PDE4B: variants seen among roughly 807,000 people sequenced by gnomAD.
PDE4B encodes the protein phosphodiesterase 4B.
PDE4B carries 20 observed loss-of-function variants against 82.2 expected under a neutral mutation model. The observed-to-expected ratio is 0.24, with a 90% CI of 0.17 to 0.35. PDE4B has a LOEUF of 0.35. Among genes scored for constraint, PDE4B ranks in the 10% least tolerant of loss-of-function variants. The probability of loss-of-function intolerance (pLI) is 1.00; values close to 1 mark genes in which losing one functional copy is unlikely to be tolerated. For missense variants in PDE4B, 655 were observed against 907.2 expected, an observed-to-expected ratio of 0.72 and a Z score of 3.57; for synonymous variants, 320 against 318.9, an observed-to-expected ratio of 1.00 and a Z score of -0.04.
At chr1:66,173,638 C>T (rs1646879838) in intron 3 of PDE4B, among the ~76,000 whole-genome samples, 2 of 152,336 alleles carry the variant, frequency 1.3e-5, no homozygotes, top group African/African-American at 4.8e-5. Flanking sequence ...CAAGATTCAA[C>T]AGCTGAAGGC....
chr1:66,369,050 C>T (rs1164784905), intron 16 of PDE4B, 81 bp downstream of exon 16: 1 of 1,064,514 alleles, frequency 9.4e-7, no homozygotes, highest in South Asian at 1.8e-5. Flanking sequence ...TCCGTTTTTC[C>T]AATAGAATAT....
At chr1:66,006,686 C>T (rs1484405453) in intron 3 of PDE4B, among the ~76,000 whole-genome samples, 1 of 152,008 alleles carries the variant, frequency 6.6e-6, no homozygotes, top group African/African-American at 2.4e-5. Context: ...GGAGGTTCCC[C>T]CATGCTGTTC....
Position 66,332,535 on chromosome 1 carries a change from A to T in PDE4B, c.662A>T (p.Glu221Val). The T allele has an allele frequency of 6.2e-7, 1 of 1,614,150 alleles. No homozygotes were observed. The highest frequency in any genetic ancestry group is 2.2e-5 in the East Asian group (1 of 44,892). The change falls in exon 8 of 17, where the codon GAA becomes GTA. Residue 221 changes from glutamate to valine, a missense_variant. By Grantham distance (121) the Glu-to-Val change is moderately radical (BLOSUM62 -2). Transcript: ENST00000341517. Reference protein sequence around the residue: ...QEESYQKLAMETLEELDWCLD... With the variant: ...QEESYQKLAMVTLEELDWCLD... Reference sequence around the variant, plus strand: ...GAATCTTATCAAAAATTAGCAATGGAAACGCTGGAGGAATTAGACTGGTGT... The same window carrying T: ...GAATCTTATCAAAAATTAGCAATGGTAACGCTGGAGGAATTAGACTGGTGT...
At chr1:66,018,199 C>T (rs528355797) in intron 3 of PDE4B, among the ~76,000 whole-genome samples, 1 of 152,046 alleles carries the variant, frequency 6.6e-6, no homozygotes, top group Non-Finnish European at 1.5e-5. Context: ...GGGCGGATCA[C>T]GAGGTCAGGA....
intron 7 of PDE4B, among the ~76,000 whole-genome samples, chr1:66,272,565 TTCA>T (rs1209422278): frequency 2.6e-5 from 4 of 152,144 alleles, no homozygotes; most frequent in Admixed American, 1.3e-4. Context: ...GAGTAGCATC[TTCA>T]TCATCCACCC....
intron 3 of PDE4B, among the ~76,000 whole-genome samples, chr1:65,955,923 A>C (rs17417915): frequency 0.24 from 36,588 of 152,052 alleles, 5,229 homozygotes; most frequent in East Asian, 0.45. Context: ...AAAGCTCTTA[A>C]TTTTAAAAAA....
At chr1:65,833,376 G>C (rs908393038) in intron 1 of PDE4B, among the ~76,000 whole-genome samples, 1 of 152,230 alleles carries the variant, frequency 6.6e-6, no homozygotes, top group Non-Finnish European at 1.5e-5. Context: ...TAAGGCGTCT[G>C]AGGTCCTTGT....
intron 3 of PDE4B, among the ~76,000 whole-genome samples, chr1:65,977,942 C>A (rs1650493599): frequency 6.6e-6 from 1 of 151,876 alleles, no homozygotes; most frequent in Non-Finnish European, 1.5e-5. Flanking sequence ...TTACATCCTG[C>A]AAAGGAGTAT....
chr1:66,016,625 A>T (rs921229923), intron 3 of PDE4B, among the ~76,000 whole-genome samples: 8 of 152,340 alleles, frequency 5.3e-5, no homozygotes, highest in African/African-American at 1.9e-4. Context: ...GGAACATCTA[A>T]AAAGTGTGAA....
intron 3 of PDE4B, among the ~76,000 whole-genome samples, chr1:66,185,149 G>T (rs554448995): frequency 1.3e-5 from 2 of 152,126 alleles, no homozygotes; most frequent in Non-Finnish European, 2.9e-5. Flanking sequence ...CTTCATCCAT[G>T]TCCCTACAAA....
At chr1:66,177,646 G>T (rs1472690928) in intron 3 of PDE4B, among the ~76,000 whole-genome samples, 1 of 152,178 alleles carries the variant, frequency 6.6e-6, no homozygotes, top group African/African-American at 2.4e-5. Flanking sequence ...TAAGCTGCAG[G>T]CAGGAAAAGT....
At chr1:66,371,826 A>G (rs1223184194) in intron 16 of PDE4B, among the ~76,000 whole-genome samples, 2 of 152,224 alleles carry the variant, frequency 1.3e-5, no homozygotes, top group Non-Finnish European at 2.9e-5. Context: ...AACACGTTAG[A>G]CCTGGGCCTG....
chr1:65,939,633 A>AC (rs1309057138), intron 3 of PDE4B, among the ~76,000 whole-genome samples: 1 of 152,130 alleles, frequency 6.6e-6, no homozygotes, highest in Non-Finnish European at 1.5e-5. Context: ...CAGGTCTTGA[A>AC]CCCCACAAAG....
At chr1:66,101,517 C>T (rs570793413) in intron 3 of PDE4B, among the ~76,000 whole-genome samples, 48 of 152,228 alleles carry the variant, frequency 3.2e-4, no homozygotes, top group African/African-American at 6.5e-4. Flanking sequence ...TTTTAATGAT[C>T]GCCATTCTAA....
At chr1:66,340,088 C>T (rs1176257070) in intron 8 of PDE4B, among the ~76,000 whole-genome samples, 2 of 152,204 alleles carry the variant, frequency 1.3e-5, no homozygotes, top group Admixed American at 6.5e-5. Flanking sequence ...AGGTTTCACA[C>T]TCTTGAAGGC....
intron 1 of PDE4B, among the ~76,000 whole-genome samples, chr1:65,905,897 G>A (rs1425555138): frequency 2.6e-5 from 4 of 152,072 alleles, no homozygotes; most frequent in Non-Finnish European, 5.9e-5. Context: ...GCATTTTAAG[G>A]CCAAGGACTA....
chr1:66,311,626 G>T (rs1000782611), intron 7 of PDE4B, among the ~76,000 whole-genome samples: 1 of 152,242 alleles, frequency 6.6e-6, no homozygotes, highest in African/African-American at 2.4e-5. Context: ...CTCTCCGAGT[G>T]CCCAGCAGCA....
chr1:66,155,563 A>G (rs180705979), intron 3 of PDE4B, among the ~76,000 whole-genome samples: 46 of 152,062 alleles, frequency 3.0e-4, no homozygotes, highest in South Asian at 6.2e-4. Context: ...TTATATTGTT[A>G]CCTATCATTT....
intron 1 of PDE4B, among the ~76,000 whole-genome samples, 151 bp downstream of exon 1, chr1:65,793,399 G>T (rs76916995): frequency 1.3e-5 from 2 of 152,218 alleles, no homozygotes; most frequent in Non-Finnish European, 2.9e-5. Context: ...TCGTCTTGAC[G>T]GCGTCATTGT....
Sources: allele counts gnomAD v4.1 joint callset (sites outside exome capture counted in the v4.1 genomes callset), GRCh38; gene constraint gnomAD v4.1.1; transcripts MANE v1.5; gene names NCBI Gene and HGNC (gene_info 2026-07-23, HGNC 2026-07-21).